Variants in RAD18 observed in about 807,000 individuals in gnomAD.
The protein encoded by RAD18 is E3 ubiquitin-protein ligase RAD18.
A neutral mutation model predicts 60.4 loss-of-function variants in RAD18; 47 were observed. That is an observed-to-expected ratio of 0.78 (90% CI 0.62 to 0.99). The LOEUF (loss-of-function observed/expected upper bound fraction) is 0.99, where lower values mean the gene tolerates loss of function less well. Among genes scored for constraint, RAD18 ranks in the 50% least tolerant of loss-of-function variants. The probability of loss-of-function intolerance (pLI) is 0.00; values close to 1 mark genes in which losing one functional copy is unlikely to be tolerated. For missense variants in RAD18, 640 were observed against 593.3 expected (o/e 1.08, Z -0.82); for synonymous variants, 225 against 195.5 (o/e 1.15, Z -1.26).
intron 6 of RAD18, 91 bp downstream of exon 6, chr3:8,939,462 AC>A (rs1276398690): frequency 9.7e-7 from 1 of 1,034,496 alleles, no homozygotes; most frequent in East Asian, 2.5e-5. Flanking sequence ...AAATACGGTC[AC>A]CAGGATAAAA....
At chr3:8,899,469 AATCT>A (rs1358105806) in intron 10 of RAD18, among the ~76,000 whole-genome samples, 3 of 152,226 alleles carry the variant, frequency 2.0e-5, no homozygotes, top group Non-Finnish European at 2.9e-5. Context: ...TATGATAGTG[AATCT>A]ATCTGGACAT....
intron 1 of RAD18, among the ~76,000 whole-genome samples, chr3:8,960,604 T>C (rs950729025): frequency 3.3e-5 from 5 of 152,194 alleles, no homozygotes; most frequent in African/African-American, 1.2e-4. Flanking sequence ...AAAACAAACC[T>C]ATGCCAATAA....
At chr3:8,958,126 G>T (rs999300999) in intron 2 of RAD18, among the ~76,000 whole-genome samples, 2 of 152,066 alleles carry the variant, frequency 1.3e-5, no homozygotes, top group African/African-American at 4.8e-5. Flanking sequence ...CAAGCCCAAG[G>T]GCATCTGCAA....
chr3:8,902,540 C>T lies in RAD18; in HGVS notation c.1028-20G>A. 1 of 1,587,668 alleles carries T rather than the reference C, an allele frequency of 6.3e-7. No individual in the cohort carries two copies. The highest frequency in any genetic ancestry group is 8.6e-7 in the Non-Finnish European group (1 of 1,167,008). ...TTTTACCTGAAATTCAAAAGATCTT[C>T]TCAGTAAAGCTAGGACTATGAAAGT... is the stretch of plus-strand genomic sequence containing the variant. On this transcript the variant is annotated intron_variant, in intron 9 of 12. Transcript: ENST00000264926.
intron 4 of RAD18, 91 bp downstream of exon 4, chr3:8,947,129 G>A: frequency 2.1e-6 from 2 of 959,972 alleles, no homozygotes; most frequent in East Asian, 2.5e-5. Context: ...ATGCAACCCT[G>A]CATTCCCTAA....
At chr3:8,959,525 A>G (rs1260195427) in intron 1 of RAD18, among the ~76,000 whole-genome samples, 3 of 152,212 alleles carry the variant, frequency 2.0e-5, no homozygotes, top group African/African-American at 7.2e-5. Flanking sequence ...GCCAAGACCA[A>G]AATTCCTGTC....
chr3:8,927,300 C>T (rs1454223457), intron 7 of RAD18, among the ~76,000 whole-genome samples: 1 of 152,158 alleles, frequency 6.6e-6, no homozygotes, highest in Admixed American at 6.5e-5. Context: ...CCAAAAGACA[C>T]ATGAAAAAAT....
intron 7 of RAD18, among the ~76,000 whole-genome samples, chr3:8,923,493 G>T (rs376864765): frequency 6.6e-6 from 1 of 152,090 alleles, no homozygotes; most frequent in Non-Finnish European, 1.5e-5. Context: ...ACACTCTGCA[G>T]GATATTATCC....
At chr3:8,918,309 A>G (rs1309009957) in intron 7 of RAD18, among the ~76,000 whole-genome samples, 6 of 133,614 alleles carry the variant, frequency 4.5e-5, no homozygotes, top group African/African-American at 1.7e-4. Context: ...CTAGAGTGAA[A>G]CTCCATCTCA....
intron 2 of RAD18, among the ~76,000 whole-genome samples, chr3:8,954,962 A>T (rs1291195773): frequency 2.0e-5 from 3 of 152,174 alleles, no homozygotes; most frequent in African/African-American, 7.2e-5. Flanking sequence ...AGTGCTCATA[A>T]AATAAAAAAT....
At chr3:8,921,339 C>A (rs993855826) in intron 7 of RAD18, among the ~76,000 whole-genome samples, 2 of 152,152 alleles carry the variant, frequency 1.3e-5, no homozygotes, top group African/African-American at 4.8e-5. Flanking sequence ...TCTGTCTCAA[C>A]AGCACATCTG....
chr3:8,920,029 T>C (rs1005560606), intron 7 of RAD18, among the ~76,000 whole-genome samples: 2 of 152,182 alleles, frequency 1.3e-5, no homozygotes, highest in Non-Finnish European at 2.9e-5. Flanking sequence ...ACGCCTGTAA[T>C]CCCAGCACTT....
At chr3:8,930,969 C>A (rs571569396) in intron 7 of RAD18, among the ~76,000 whole-genome samples, 1 of 151,978 alleles carries the variant, frequency 6.6e-6, no homozygotes, top group Non-Finnish European at 1.5e-5. Context: ...AGGATGTTTG[C>A]CCACACCACT....
chr3:8,889,568 G>C (rs45500795), intron 12 of RAD18, among the ~76,000 whole-genome samples: 17 of 152,126 alleles, frequency 1.1e-4, no homozygotes, highest in Admixed American at 3.9e-4. Flanking sequence ...TGCTGAGTAG[G>C]GGTGTAAACT....
At chr3:8,924,253 G>T (rs1462501699) in intron 7 of RAD18, among the ~76,000 whole-genome samples, 2 of 150,098 alleles carry the variant, frequency 1.3e-5, no homozygotes, top group South Asian at 2.1e-4. Context: ...AAAGGCAGGG[G>T]TTGCAATCCT....
At chr3:8,914,830 T>C (rs1940169514) in intron 7 of RAD18, among the ~76,000 whole-genome samples, 1 of 152,156 alleles carries the variant, frequency 6.6e-6, no homozygotes, top group African/African-American at 2.4e-5. Context: ...ATCTGGCATG[T>C]CCTCTTGTAA....
intron 4 of RAD18, among the ~76,000 whole-genome samples, chr3:8,944,528 G>T (rs1473298313): frequency 6.7e-6 from 1 of 149,362 alleles, no homozygotes; most frequent in Non-Finnish European, 1.5e-5. Context: ...AGAGCAAGAA[G>T]AAGAGAGGAA....
intron 1 of RAD18, 99 bp from the exon 2 acceptor site, chr3:8,959,100 T>A: frequency 1.1e-6 from 1 of 908,314 alleles, no homozygotes; most frequent in South Asian, 1.4e-5. Context: ...AAAATCAAAC[T>A]CTTTGTCAAA....
chr3:8,926,226 A>C (rs1399716077), intron 7 of RAD18, among the ~76,000 whole-genome samples: 3 of 152,198 alleles, frequency 2.0e-5, no homozygotes, highest in African/African-American at 7.2e-5. Context: ...TCAGGATACA[A>C]AATCAATGTG....
Sources: allele counts gnomAD v4.1 joint callset (sites outside exome capture counted in the v4.1 genomes callset), GRCh38; gene constraint gnomAD v4.1.1; transcripts MANE v1.5; gene names NCBI Gene and HGNC (gene_info 2026-07-23, HGNC 2026-07-21).